The following ADGRB3 variants were observed in gnomAD, a reference collection of about 807,000 sequenced individuals.
ADGRB3 encodes the protein brain-specific angiogenesis inhibitor 3.
Under a neutral mutation model 193.4 loss-of-function variants are expected in ADGRB3, and 37 were observed. The ratio of observed to expected loss-of-function variants is 0.19; its 90% CI spans 0.15 to 0.25. The LOEUF is 0.25. ADGRB3 is among the 10% of genes least tolerant of loss of function. The probability of loss-of-function intolerance (pLI) is 1.00; values close to 1 mark genes in which losing one functional copy is unlikely to be tolerated. For synonymous variants in ADGRB3, 690 were observed against 644.2 expected, an observed-to-expected ratio of 1.07 and a Z score of -1.08; for missense variants, 1,637 against 1,852.9, an observed-to-expected ratio of 0.88 and a Z score of 2.14.
intron 3 of ADGRB3, among the ~76,000 whole-genome samples, chr6:68,672,413 C>T (rs1768986579): frequency 1.3e-5 from 2 of 151,190 alleles, no homozygotes; most frequent in Non-Finnish European, 3.0e-5. Flanking sequence ...TGTAACTTTC[C>T]CTCTGAGTAC....
intron 20 of ADGRB3, among the ~76,000 whole-genome samples, chr6:69,246,074 A>G (rs1488493749): frequency 1.3e-5 from 2 of 152,120 alleles, no homozygotes; most frequent in Non-Finnish European, 2.9e-5. Context: ...GATTGATGGC[A>G]TGCTTTAAAT....
At position 69,233,276 on chromosome 6, in the gene ADGRB3, A is replaced by T. The variant is rs1246430316; in HGVS notation, c.2481-14A>T. 1 of 1,609,264 alleles carries T rather than the reference A, an allele frequency of 6.2e-7. No individual in the cohort carries two copies. The highest frequency in any genetic ancestry group is 2.2e-5 in the East Asian group (1 of 44,642). Reference sequence around the variant, plus strand: ...ATTTATCCCGATTTCCTCCCCCCTCACTCCCCTTTGCAGGAACGAGTCTTT... The same window carrying T: ...ATTTATCCCGATTTCCTCCCCCCTCTCTCCCCTTTGCAGGAACGAGTCTTT... On this transcript the variant is annotated splice_polypyrimidine_tract_variant and intron_variant, in intron 17 of 31. Transcript: ENST00000370598.
intron 3 of ADGRB3, among the ~76,000 whole-genome samples, chr6:68,843,489 A>C (rs1768204575): frequency 6.6e-6 from 1 of 152,078 alleles, no homozygotes; most frequent in Admixed American, 6.6e-5. Context: ...TCTACAATGA[A>C]AACTATAAAA....
chr6:68,671,154 T>C (rs569472358), intron 3 of ADGRB3, among the ~76,000 whole-genome samples: 8 of 152,082 alleles, frequency 5.3e-5, no homozygotes, highest in African/African-American at 1.9e-4. Context: ...AATTGTTTTC[T>C]GGGGGAATCT....
At chr6:69,196,369 C>A (rs922861619) in intron 17 of ADGRB3, among the ~76,000 whole-genome samples, 1 of 152,060 alleles carries the variant, frequency 6.6e-6, no homozygotes, top group East Asian at 1.9e-4. Flanking sequence ...CAAAGTACCA[C>A]GGTTTGCATG....
chr6:69,357,990 T>C (rs2127330072), intron 28 of ADGRB3, among the ~76,000 whole-genome samples: 1 of 152,100 alleles, frequency 6.6e-6, no homozygotes, highest in South Asian at 2.1e-4. Context: ...ATGTGATTTG[T>C]CCGGGTTTAG....
At chr6:69,009,988 CAG>C (rs1769886454) in intron 11 of ADGRB3, among the ~76,000 whole-genome samples, 1 of 152,038 alleles carries the variant, frequency 6.6e-6, no homozygotes, top group South Asian at 2.1e-4. Flanking sequence ...AAAGTAAAAA[CAG>C]AATTTTTTAT....
chr6:68,949,470 C>T (rs1296332183), intron 6 of ADGRB3, among the ~76,000 whole-genome samples: 1 of 152,076 alleles, frequency 6.6e-6, no homozygotes, highest in Non-Finnish European at 1.5e-5. Flanking sequence ...TTATATAGAG[C>T]GAGAGGCTTC....
intron 23 of ADGRB3, 91 bp downstream of exon 23, chr6:69,330,663 T>A: frequency 9.4e-7 from 1 of 1,068,684 alleles, no homozygotes; most frequent in Non-Finnish European, 1.3e-6. Flanking sequence ...GATAATGTAG[T>A]TCTTGTGTAG....
At chr6:68,943,519 TA>T (rs1226859037) in intron 5 of ADGRB3, among the ~76,000 whole-genome samples, 1 of 152,160 alleles carries the variant, frequency 6.6e-6, no homozygotes, top group African/African-American at 2.4e-5. Flanking sequence ...TACTTCAACT[TA>T]AAAATAATTT....
chr6:68,882,756 A>C (rs1765767154), intron 3 of ADGRB3, among the ~76,000 whole-genome samples: 1 of 152,134 alleles, frequency 6.6e-6, no homozygotes, highest in African/African-American at 2.4e-5. Flanking sequence ...TTTTATTATA[A>C]ACAGTTTATA....
intron 3 of ADGRB3, among the ~76,000 whole-genome samples, chr6:68,639,670 T>C (rs1768036777): frequency 6.6e-6 from 1 of 152,058 alleles, no homozygotes; most frequent in Non-Finnish European, 1.5e-5. Context: ...GGGTGGAATT[T>C]TCAGGAGAAA....
At chr6:68,931,379 AT>A (rs1275940822) in intron 4 of ADGRB3, among the ~76,000 whole-genome samples, 7 of 152,070 alleles carry the variant, frequency 4.6e-5, no homozygotes, top group Admixed American at 4.6e-4. Context: ...ATTTGAACTA[AT>A]ATATGTATTC....
At chr6:68,769,991 A>T (rs1352916864) in intron 3 of ADGRB3, among the ~76,000 whole-genome samples, 1 of 152,128 alleles carries the variant, frequency 6.6e-6, no homozygotes, top group Non-Finnish European at 1.5e-5. Context: ...GCATATTGTT[A>T]TGCTTCCAAT....
At chr6:69,317,124 T>C (rs1582627618) in intron 20 of ADGRB3, among the ~76,000 whole-genome samples, 2 of 151,570 alleles carry the variant, frequency 1.3e-5, no homozygotes, top group South Asian at 4.1e-4. Flanking sequence ...TGAATCAAGT[T>C]TTATTATAAT....
chr6:68,684,865 T>G (rs2127299538), intron 3 of ADGRB3, among the ~76,000 whole-genome samples: 1 of 152,208 alleles, frequency 6.6e-6, no homozygotes, highest in African/African-American at 2.4e-5. Context: ...TAGACTTGGC[T>G]CCTGAGTATC....
At chr6:68,747,914 C>T (rs1457997757) in intron 3 of ADGRB3, among the ~76,000 whole-genome samples, 1 of 152,094 alleles carries the variant, frequency 6.6e-6, no homozygotes, top group Non-Finnish European at 1.5e-5. Context: ...GGGGGGGCCT[C>T]AGAATCATGG....
chr6:69,121,901 C>T (rs546017264), intron 17 of ADGRB3, among the ~76,000 whole-genome samples: 7 of 150,518 alleles, frequency 4.7e-5, no homozygotes, highest in South Asian at 2.1e-4. Context: ...CCAGACAGGG[C>T]GGCCAGGTGG....
chr6:68,839,186 G>T (rs1032773788), intron 3 of ADGRB3, among the ~76,000 whole-genome samples: 2 of 151,992 alleles, frequency 1.3e-5, no homozygotes, highest in African/African-American at 4.8e-5. Flanking sequence ...TCCTCATTGT[G>T]AGCTGCTATA....
Sources: allele counts gnomAD v4.1 joint callset (sites outside exome capture counted in the v4.1 genomes callset), GRCh38; gene constraint gnomAD v4.1.1; transcripts MANE v1.5; gene names NCBI Gene and HGNC (gene_info 2026-07-23, HGNC 2026-07-21).